SIPA1L2: variants seen among roughly 807,000 people sequenced by gnomAD.
The protein encoded by SIPA1L2 is signal induced proliferation associated 1 like 2.
A neutral mutation model predicts 163.9 loss-of-function variants in SIPA1L2; 56 were observed. The ratio of observed to expected loss-of-function variants is 0.34; its 90% confidence interval spans 0.28 to 0.43. The LOEUF is 0.43. Among genes scored for constraint, SIPA1L2 ranks in the 20% least tolerant of loss-of-function variants. The pLI is 1.00. For synonymous variants in SIPA1L2, 877 were observed against 865.7 expected, an observed-to-expected ratio of 1.01 and a Z score of -0.23; for missense variants, 1,974 against 2,193.5, an observed-to-expected ratio of 0.90 and a Z score of 2.00.
chr1:232,447,346 T>C (rs918984840), intron 10 of SIPA1L2, among the ~76,000 whole-genome samples: 1 of 152,228 alleles, frequency 6.6e-6, no homozygotes, highest in African/African-American at 2.4e-5. Context: ...GTTGTCTATC[T>C]ACCCCCAGCT....
intron 8 of SIPA1L2, among the ~76,000 whole-genome samples, chr1:232,467,136 G>A (rs1193158064): frequency 6.6e-6 from 1 of 152,216 alleles, no homozygotes; most frequent in African/African-American, 2.4e-5. Flanking sequence ...GCTTTAATCT[G>A]CAACCTCTTC....
intron 19 of SIPA1L2, among the ~76,000 whole-genome samples, chr1:232,411,591 C>CTT (rs146919244): frequency 1.4e-5 from 2 of 146,820 alleles, no homozygotes; most frequent in African/African-American, 5.0e-5. Flanking sequence ...TTGCCAGTTG[C>CTT]TTTTTTTTTT....
intron 2 of SIPA1L2, among the ~76,000 whole-genome samples, chr1:232,518,880 G>A (rs770626563): frequency 2.0e-5 from 3 of 152,086 alleles, no homozygotes; most frequent in South Asian, 2.1e-4. Context: ...ACAAATTACT[G>A]TACAAATATA....
rs780007901 is a variant in SIPA1L2, at chr1:232,425,761, C to T, written c.4458G>A (p.Thr1486=). The T allele has an allele frequency of 1.5e-5, 25 of 1,613,970 alleles. No individual in the cohort carries two copies. In the East Asian group the frequency reaches 1.8e-4, roughly 12 times the overall value. The change falls in exon 18 of 23, where the codon ACG becomes ACA. Residue 1486 remains threonine, a synonymous_variant. Transcript: ENST00000674635. ...NLSPRRSLYR[T]LSDESICSNR... is the part of the protein sequence containing the mutation. ...TGCTGCAGATGCTCTCGTCAGACAG[C>T]GTGCGGTAAAGCGACCTCCTTGGAG... is the stretch of plus-strand genomic sequence containing the variant.
intron 17 of SIPA1L2, among the ~76,000 whole-genome samples, chr1:232,426,530 C>G (rs552119153): frequency 4.7e-4 from 71 of 152,214 alleles, no homozygotes; most frequent in African/African-American, 1.6e-3. Flanking sequence ...CATGGTGATG[C>G]ACGCCTGTAG....
chr1:232,598,977 A>C (rs7530668), intron 1 of SIPA1L2, among the ~76,000 whole-genome samples: 84,928 of 149,078 alleles, frequency 0.57, 25,368 homozygotes, highest in East Asian at 0.76. Flanking sequence ...AAAAAAAAAA[A>C]AAAAAACTTC....
chr1:232,445,505 T>C, intron 11 of SIPA1L2, 24 bp downstream of exon 11: 1 of 1,612,876 alleles, frequency 6.2e-7, no homozygotes, highest in Non-Finnish European at 8.5e-7. Flanking sequence ...AGGGCCCCCC[T>C]TGAGGAAACG....
At chr1:232,526,267 ATCTGAG>A (rs1385976610) in intron 2 of SIPA1L2, among the ~76,000 whole-genome samples, 1 of 152,186 alleles carries the variant, frequency 6.6e-6, no homozygotes, top group African/African-American at 2.4e-5. Context: ...GCTTGGCAGC[ATCTGAG>A]TCTAACTCCT....
chr1:232,494,696 A>T (rs1006976309), intron 3 of SIPA1L2, among the ~76,000 whole-genome samples: 2 of 152,204 alleles, frequency 1.3e-5, no homozygotes, highest in Non-Finnish European at 2.9e-5. Context: ...ACTTAACACA[A>T]CATTCAAGAT....
chr1:232,605,123 C>T (rs1195796005), intron 1 of SIPA1L2, among the ~76,000 whole-genome samples: 1 of 152,154 alleles, frequency 6.6e-6, no homozygotes, highest in African/African-American at 2.4e-5. Flanking sequence ...AGTGATTCTC[C>T]CACCTCAGTC....
chr1:232,597,877 G>A (rs184804950), intron 1 of SIPA1L2, among the ~76,000 whole-genome samples: 163 of 152,108 alleles, frequency 1.1e-3, no homozygotes, highest in Non-Finnish European at 1.9e-3. Flanking sequence ...GGCTGAGTCT[G>A]AGGCACCCGA....
chr1:232,490,108 A>T (rs534668419), intron 5 of SIPA1L2, among the ~76,000 whole-genome samples: 1 of 152,248 alleles, frequency 6.6e-6, no homozygotes, highest in African/African-American at 2.4e-5. Flanking sequence ...CTCCTGAATC[A>T]AGGGCAATCT....
rs1451077291 is a variant in SIPA1L2, at chr1:232,530,782, T to C, written c.-269-15174A>G. ...CATGCACAAATAGGATTGGAAGCTA[T>C]TGGCTTCAACATAATTCTAATAGAG... On this transcript the variant is annotated intron_variant, in intron 2 of 22. Coordinates refer to ENST00000674635, the MANE Select transcript of SIPA1L2 (RefSeq NM_020808.5). Among the ~76,000 whole-genome samples, 6 of 149,602 alleles carry C rather than the reference T, an allele frequency of 4.0e-5. No individual in the cohort carries two copies. The East Asian group carries it at 7.8e-4, about 19-fold the overall frequency.
chr1:232,437,911 C>T (rs890706666), intron 15 of SIPA1L2, among the ~76,000 whole-genome samples: 2 of 151,976 alleles, frequency 1.3e-5, no homozygotes, highest in African/African-American at 4.8e-5. Context: ...GGGAAATGGT[C>T]ATGTGGAGTG....
chr1:232,467,031 A>G (rs898888403), intron 8 of SIPA1L2, among the ~76,000 whole-genome samples: 11 of 152,184 alleles, frequency 7.2e-5, no homozygotes. Flanking sequence ...AAATTAAGGA[A>G]TAAAAACATT....
Position 232,497,098 on chromosome 1 carries a change from C to G in SIPA1L2, c.1484-3438G>C, listed in dbSNP as rs186466831. 4.6e-5 allele frequency among the ~76,000 whole-genome samples: 7 copies of G among 152,268 alleles called. No homozygotes were observed. In the East Asian group the frequency reaches 1.4e-3, roughly 29 times the overall value. ...ACAACATAAAATGATCATATGTGTA[C>G]TGCTCTCATACTCAGCAGGTGCCAC... On this transcript the variant is annotated intron_variant, in intron 3 of 22. Transcript: ENST00000674635.
chr1:232,582,872 T>C (rs546736894), intron 1 of SIPA1L2, among the ~76,000 whole-genome samples: 69 of 152,322 alleles, frequency 4.5e-4, no homozygotes, highest in African/African-American at 1.6e-3. Context: ...CCATGTGGTG[T>C]TGAAAATTCT....
At chr1:232,410,842 T>C (rs1486805320) in intron 19 of SIPA1L2, among the ~76,000 whole-genome samples, 1 of 152,122 alleles carries the variant, frequency 6.6e-6, no homozygotes, top group African/African-American at 2.4e-5. Flanking sequence ...CCAGAGAACA[T>C]ATTAATTAGA....
At chr1:232,608,021 TG>T (rs1662034097) in intron 1 of SIPA1L2, among the ~76,000 whole-genome samples, 1 of 115,220 alleles carries the variant, frequency 8.7e-6, no homozygotes, top group Non-Finnish European at 1.6e-5. Context: ...CACTCCAGCC[TG>T]GGCAACAAGA....
Sources: allele counts gnomAD v4.1 joint callset (sites outside exome capture counted in the v4.1 genomes callset), GRCh38; gene constraint gnomAD v4.1.1; transcripts MANE v1.5; gene names NCBI Gene and HGNC (gene_info 2026-07-23, HGNC 2026-07-21).